Variants in CHRM3 observed in about 807,000 individuals in gnomAD.
CHRM3 encodes cholinergic receptor muscarinic 3, also known as muscarinic acetylcholine receptor M3.
CHRM3 carries 11 observed loss-of-function variants against 41.8 expected under a neutral mutation model. That is an observed-to-expected ratio of 0.26 (90% CI 0.17 to 0.44). The LOEUF is 0.44. CHRM3 is among the 20% of genes least tolerant of loss of function. The pLI, the probability that CHRM3 is intolerant of heterozygous loss-of-function variation, is 1.00. For synonymous variants in CHRM3, 297 were observed against 301.4 expected, an observed-to-expected ratio of 0.99 and a Z score of 0.15; for missense variants, 571 against 745.4, an observed-to-expected ratio of 0.77 and a Z score of 2.72.
At chr1:239,440,260 T>G (rs572180130) in intron 1 of CHRM3, among the ~76,000 whole-genome samples, 1 of 150,612 alleles carries the variant, frequency 6.6e-6, no homozygotes, top group African/African-American at 2.4e-5. Context: ...CCTGATAAAT[T>G]TACATATAAG....
chr1:239,888,528 GT>G (rs1486051345), intron 6 of CHRM3, among the ~76,000 whole-genome samples: 1 of 151,540 alleles, frequency 6.6e-6, no homozygotes, highest in African/African-American at 2.4e-5. Flanking sequence ...AGCCCAGGAG[GT>G]TGAGGTTGCA....
intron 1 of CHRM3, among the ~76,000 whole-genome samples, chr1:239,422,189 A>G (rs1662005692): frequency 1.3e-5 from 2 of 152,232 alleles, no homozygotes; most frequent in Non-Finnish European, 1.5e-5. Context: ...TAATACTACC[A>G]TAAAGAAGCC....
intron 2 of CHRM3, among the ~76,000 whole-genome samples, chr1:239,516,833 G>A (rs138748177): frequency 0.02 from 3,028 of 152,218 alleles, 40 homozygotes; most frequent in Non-Finnish European, 0.03. Context: ...TCAGATCAAC[G>A]GTGGCATTAG....
chr1:239,572,665 A>G (rs756704168), intron 3 of CHRM3, among the ~76,000 whole-genome samples: 2 of 152,218 alleles, frequency 1.3e-5, no homozygotes, highest in Non-Finnish European at 2.9e-5. Context: ...CCCAAGGATA[A>G]CAGGGTTTTA....
chr1:239,426,551 A>G (rs1257169664), intron 1 of CHRM3, among the ~76,000 whole-genome samples: 3 of 151,990 alleles, frequency 2.0e-5, no homozygotes, highest in South Asian at 2.1e-4. Flanking sequence ...ATTCTTAAAC[A>G]TGAGTGTGTG....
intron 6 of CHRM3, among the ~76,000 whole-genome samples, chr1:239,892,888 T>C (rs991742486): frequency 6.6e-6 from 1 of 152,216 alleles, no homozygotes; most frequent in Non-Finnish European, 1.5e-5. Flanking sequence ...GTGTGACATA[T>C]AGATTTATTT....
chr1:239,843,752 A>T (rs1674030954), intron 6 of CHRM3, among the ~76,000 whole-genome samples: 1 of 152,106 alleles, frequency 6.6e-6, no homozygotes, highest in Non-Finnish European at 1.5e-5. Context: ...AAATTTTAAA[A>T]GGCAGGAGCT....
intron 3 of CHRM3, among the ~76,000 whole-genome samples, chr1:239,571,931 CT>C (rs779483617): frequency 1.3e-5 from 2 of 152,120 alleles, no homozygotes; most frequent in Non-Finnish European, 2.9e-5. Flanking sequence ...TCTTTGACTT[CT>C]TTTCCCAAGC....
At position 239,783,549 on chromosome 1, in the gene CHRM3, AAC is replaced by A. The variant is rs1438398010; in HGVS notation, c.-146-43701_-146-43700del. On this transcript the variant is annotated intron_variant, in intron 5 of 6. Transcript: ENST00000676153. The stretch of plus-strand genomic sequence containing the variant: ...GGGATTCCAGGTTACTCCCTAAAAG[AAC>A]AGAGAGAAGTGAGTAAATAGTCAAA... Among the ~76,000 whole-genome samples the A allele has an allele frequency of 4.6e-5, 7 of 152,334 alleles. No individual in the cohort carries two copies. The South Asian group carries it at 6.2e-4, about 14-fold the overall frequency.
intron 5 of CHRM3, among the ~76,000 whole-genome samples, chr1:239,760,681 G>A (rs1666685259): frequency 6.6e-6 from 1 of 152,054 alleles, no homozygotes; most frequent in African/African-American, 2.4e-5. Flanking sequence ...TTCTTTAAAG[G>A]GGCCGCTCTG....
At position 239,871,679 on chromosome 1, in the gene CHRM3, G is replaced by A. The variant is rs369425281; in HGVS notation, c.-19-35754G>A. 6.6e-5 allele frequency among the ~76,000 whole-genome samples: 10 copies of A among 152,082 alleles called. No individual in the cohort carries two copies. The South Asian group carries it at 1.7e-3, about 25-fold the overall frequency. On this transcript the variant is annotated intron_variant, in intron 6 of 6. Coordinates refer to ENST00000676153, the MANE Select transcript of CHRM3 (RefSeq NM_001375978.1). The stretch of plus-strand genomic sequence containing the variant: ...AGTTCATTTGCAATATGTCTCTGTC[G>A]TCATATTTTGTATAGGTACATGCAG...
At chr1:239,566,744 T>C (rs1183211786) in intron 3 of CHRM3, among the ~76,000 whole-genome samples, 1 of 152,224 alleles carries the variant, frequency 6.6e-6, no homozygotes, top group Non-Finnish European at 1.5e-5. Context: ...GAAATGTTTC[T>C]AGTTCAGTGT....
At chr1:239,737,075 G>A (rs531309263) in intron 5 of CHRM3, among the ~76,000 whole-genome samples, 22 of 152,050 alleles carry the variant, frequency 1.4e-4, no homozygotes, top group Non-Finnish European at 2.6e-4. Context: ...GTATACATGT[G>A]ACTTAATATC....
At chr1:239,530,124 T>C (rs951442492) in intron 2 of CHRM3, among the ~76,000 whole-genome samples, 54 of 152,164 alleles carry the variant, frequency 3.5e-4, no homozygotes, top group African/African-American at 9.6e-4. Flanking sequence ...AGGATGGTCT[T>C]GATCTCCTGA....
chr1:239,666,192 C>CT (rs34265790), intron 4 of CHRM3, among the ~76,000 whole-genome samples: 140 of 145,932 alleles, frequency 9.6e-4, no homozygotes, highest in South Asian at 1.5e-3. Flanking sequence ...TGTTGCCTGA[C>CT]TTTTTTTTTT....
chr1:239,845,635 G>A (rs1483837261), intron 6 of CHRM3, among the ~76,000 whole-genome samples: 2 of 152,170 alleles, frequency 1.3e-5, no homozygotes, highest in African/African-American at 4.8e-5. Flanking sequence ...GCTTACTTGA[G>A]TTCCTGAAAT....
intron 3 of CHRM3, among the ~76,000 whole-genome samples, chr1:239,621,528 G>T (rs1668362746): frequency 6.6e-6 from 1 of 152,188 alleles, no homozygotes; most frequent in Non-Finnish European, 1.5e-5. Context: ...AATGAAAAGT[G>T]CTACTCCAGT....
At chr1:239,522,678 G>T (rs1669732112) in intron 2 of CHRM3, among the ~76,000 whole-genome samples, 1 of 152,176 alleles carries the variant, frequency 6.6e-6, no homozygotes, top group South Asian at 2.1e-4. Context: ...AGGAGGTAGA[G>T]ATGTTGTTCA....
intron 1 of CHRM3, among the ~76,000 whole-genome samples, chr1:239,411,751 G>T (rs1436984426): frequency 2.4e-5 from 2 of 82,104 alleles, no homozygotes; most frequent in African/African-American, 3.9e-5. Flanking sequence ...AAAAAAAAAA[G>T]CTGGGATTGG....
Sources: gnomAD v4.1 joint callset for allele counts (sites outside exome capture counted in the v4.1 genomes callset) on GRCh38, gnomAD v4.1.1 for gene constraint, MANE v1.5 for transcripts, NCBI Gene and HGNC (gene_info 2026-07-23, HGNC 2026-07-21) for gene names.